Variants in ITIH5 observed in about 807,000 individuals in gnomAD.
ITIH5 encodes inter-alpha-trypsin inhibitor heavy chain 5.
ITIH5 carries 65 observed loss-of-function variants against 77.5 expected under a neutral mutation model. The observed-to-expected ratio is 0.84, with a 90% CI of 0.69 to 1.03. The LOEUF (loss-of-function observed/expected upper bound fraction) is 1.03, where lower values mean the gene tolerates loss of function less well. Ranked by LOEUF, ITIH5 falls within the 50% of genes least tolerant of loss-of-function variation. ITIH5 has a pLI of 0.00. For synonymous variants in ITIH5, 525 were observed against 494.3 expected, an observed-to-expected ratio of 1.06 and a Z score of -0.82; for missense variants, 1,208 against 1,213.1, an observed-to-expected ratio of 1.00 and a Z score of 0.06.
At chr10:7,602,685 T>C (rs1020929055) in intron 7 of ITIH5, among the ~76,000 whole-genome samples, 2 of 152,230 alleles carry the variant, frequency 1.3e-5, no homozygotes, top group African/African-American at 2.4e-5. Flanking sequence ...CAGTCTCGGG[T>C]ATTTCTTCAT....
chr10:7,586,064 C>T lies in ITIH5; in HGVS notation c.945G>A (p.Lys315=), dbSNP rs11255206. The T allele has an allele frequency of 3.0e-3, 4,818 of 1,612,500 alleles. 134 individuals are homozygous for T. In the African/African-American group the frequency reaches 0.056, roughly 19 times the overall value. The change falls in exon 8 of 14, where the codon AAG becomes AAA. Residue 315 remains lysine (K), a synonymous_variant. Transcript: ENST00000397146. ...SMVGTKLRQT[K]DALFTILHDL... ...CATGGAGAATTGTGAAGAGGGCATCCTTGGTCTAGGCAAACACAAAAGCAA... is the reference window on the plus strand; with the variant it reads ...CATGGAGAATTGTGAAGAGGGCATCTTTGGTCTAGGCAAACACAAAAGCAA...
intron 1 of ITIH5, among the ~76,000 whole-genome samples, chr10:7,664,932 G>C (rs1221343609): frequency 1.3e-5 from 2 of 152,234 alleles, no homozygotes; most frequent in Non-Finnish European, 2.9e-5. Context: ...GCTCACAAAC[G>C]TTAAGTAACT....
chr10:7,628,754 AG>A (rs1833636817), intron 5 of ITIH5, among the ~76,000 whole-genome samples: 1 of 116,254 alleles, frequency 8.6e-6, no homozygotes, highest in Non-Finnish European at 1.8e-5. Context: ...TCCATGTTGC[AG>A]CGTGTGTCCA....
chr10:7,644,801 TATATATCAC>T (rs1350740352), intron 2 of ITIH5, among the ~76,000 whole-genome samples: 2 of 105,088 alleles, frequency 1.9e-5, no homozygotes, highest in African/African-American at 7.6e-5. Context: ...ATATATATCA[TATATATCAC>T]ATATATATCA....
intron 5 of ITIH5, among the ~76,000 whole-genome samples, chr10:7,631,038 C>T (rs1833703425): frequency 8.1e-6 from 1 of 123,698 alleles, no homozygotes; most frequent in African/African-American, 3.2e-5. Flanking sequence ...TCAAGCAGCC[C>T]AGGAAAAAAA....
At chr10:7,647,802 G>C (rs1481341015) in intron 2 of ITIH5, among the ~76,000 whole-genome samples, 1 of 152,054 alleles carries the variant, frequency 6.6e-6, no homozygotes, top group Non-Finnish European at 1.5e-5. Context: ...AAACTGTAAA[G>C]AAAAAGAGCT....
chr10:7,642,088 T>A lies in ITIH5; in HGVS notation c.138A>T (p.Lys46Asn), dbSNP rs982877034. Residue 46 changes from lysine to asparagine, a missense_variant and splice_region_variant, in exon 3 of 14, where the codon AAA becomes AAT. By Grantham distance (94) the Lys-to-Asn change is moderately conservative (BLOSUM62 0). Transcript: ENST00000397146. ...AGAATTCTGTCATCAAAGGTTTGGT[T>A]TTCTGTAGGAATGAAAACACACAGT... is the stretch of plus-strand genomic sequence containing the variant. ...PRQVRLLQRL[K>N]TKPLMTEFSV... 1 of 1,613,398 alleles carries A rather than the reference T, an allele frequency of 6.2e-7. No homozygotes were observed. The highest frequency in any genetic ancestry group is 8.5e-7 in the Non-Finnish European group (1 of 1,179,614).
chr10:7,591,990 C>T (rs1265988112), intron 7 of ITIH5, among the ~76,000 whole-genome samples: 2 of 152,198 alleles, frequency 1.3e-5, no homozygotes, highest in African/African-American at 2.4e-5. Context: ...CCCGCCTCAG[C>T]CTCCTGAGTA....
intron 5 of ITIH5, 110 bp from the exon 6 acceptor site, chr10:7,617,392 G>T (rs1588403161): frequency 1.5e-6 from 1 of 667,906 alleles, no homozygotes; most frequent in Non-Finnish European, 2.3e-6. Flanking sequence ...TTACAGGCTT[G>T]TATTTCACAG....
intron 9 of ITIH5, among the ~76,000 whole-genome samples, chr10:7,579,464 G>A (rs1832494209): frequency 6.6e-6 from 1 of 152,066 alleles, no homozygotes; most frequent in Admixed American, 6.6e-5. Context: ...AGCAGAGGTT[G>A]CAGTGAGCTG....
chr10:7,648,992 C>G (rs906980093), intron 2 of ITIH5, among the ~76,000 whole-genome samples: 1 of 152,156 alleles, frequency 6.6e-6, no homozygotes, highest in African/African-American at 2.4e-5. Flanking sequence ...TACTGACATA[C>G]CACAGCCTGG....
intron 10 of ITIH5, among the ~76,000 whole-genome samples, chr10:7,575,660 T>C (rs1347390268): frequency 6.6e-6 from 1 of 152,120 alleles, no homozygotes; most frequent in Non-Finnish European, 1.5e-5. Flanking sequence ...TCTCAGAGAC[T>C]GACATGGAAA....
chr10:7,608,086 C>G (rs1341616656), intron 7 of ITIH5, among the ~76,000 whole-genome samples: 1 of 152,194 alleles, frequency 6.6e-6, no homozygotes, highest in Non-Finnish European at 1.5e-5. Flanking sequence ...ACCCCTTCCC[C>G]CAGTCTTTCA....
intron 7 of ITIH5, among the ~76,000 whole-genome samples, chr10:7,612,640 C>T (rs751766630): frequency 6.7e-6 from 1 of 149,734 alleles, no homozygotes; most frequent in Non-Finnish European, 1.5e-5. Flanking sequence ...ACAAACCCTG[C>T]CCCCACAAAA....
rs778576459 is a variant in ITIH5 at position 7,563,039 on chromosome 10, A to C, written c.*44T>G. 48 of 1,578,256 alleles carry C rather than the reference A, an allele frequency of 3.0e-5. No homozygotes were observed. The highest frequency in any genetic ancestry group is 4.1e-5 in the Non-Finnish European group (47 of 1,147,196). On this transcript the variant is annotated 3_prime_UTR_variant, in exon 14 of 14. Transcript: ENST00000397146. The stretch of plus-strand genomic sequence containing the variant: ...AAAAGAGCTGCCCCACGGCCTCCCC[A>C]CATCACTGTCCTTCATGCACTTGCA...
chr10:7,561,121 A>T lies in ITIH5; in HGVS notation c.*1962T>A, dbSNP rs1832032498. The T allele has an allele frequency of 1.3e-5, 2 of 152,154 alleles. No homozygotes were observed. The highest frequency in any genetic ancestry group is 2.1e-4 in the South Asian group (1 of 4,830). The allele number at this position is 152,154 out of a possible 1,614,324, so 9.4% of individuals were successfully genotyped here. Reference sequence around the variant, plus strand: ...TTTTCTAAAGTAAAATATAATTTTTAAAAATGAAAGCTCAACTTTGTTACT... The same window carrying T: ...TTTTCTAAAGTAAAATATAATTTTTTAAAATGAAAGCTCAACTTTGTTACT... On this transcript the variant is annotated 3_prime_UTR_variant, in exon 14 of 14. Coordinates refer to ENST00000397146, the MANE Select transcript of ITIH5 (RefSeq NM_030569.7).
chr10:7,629,143 G>A lies in ITIH5; in HGVS notation c.652+8085C>T, dbSNP rs541698643. On this transcript the variant is annotated intron_variant, in intron 5 of 13. Coordinates refer to ENST00000397146, the MANE Select transcript of ITIH5 (RefSeq NM_030569.7). The stretch of plus-strand genomic sequence containing the variant: ...TGTGTCCGTGTTGTAGCATGTGTCC[G>A]TGTTGTGGCATGCATCCATGTTATC... 1.3e-3 allele frequency among the ~76,000 whole-genome samples: 176 copies of A among 131,604 alleles called. 8 individuals are homozygous for A. Among genetic ancestry groups the A allele is most frequent in the African/African-American group, 4.4e-3 (163 of 37,444 alleles). 86.3% of individuals were successfully genotyped at this position (131,604 alleles called of 152,430 possible).
At chr10:7,580,130 C>CA in intron 8 of ITIH5, 66 bp from the exon 9 acceptor site, 1 of 1,365,034 alleles carries the variant, frequency 7.3e-7, no homozygotes. Context: ...ATTGCACTTT[C>CA]TTTTTTTTGA....
chr10:7,634,109 A>AAAAT (rs1833759783), intron 5 of ITIH5, among the ~76,000 whole-genome samples: 2 of 150,180 alleles, frequency 1.3e-5, no homozygotes, highest in Non-Finnish European at 3.0e-5. Flanking sequence ...AAAAAAAAAA[A>AAAAT]GGAAAGAAAA....
Sources: allele counts gnomAD v4.1 joint callset (sites outside exome capture counted in the v4.1 genomes callset), GRCh38; gene constraint gnomAD v4.1.1; transcripts MANE v1.5; gene names NCBI Gene and HGNC (gene_info 2026-07-23, HGNC 2026-07-21).